KIF16B: variants seen among roughly 807,000 people sequenced by gnomAD.
KIF16B encodes the protein kinesin-like protein KIF16B.
Under a neutral mutation model 156.3 loss-of-function variants are expected in KIF16B, and 98 were observed. The observed-to-expected ratio is 0.63, with a 90% CI of 0.53 to 0.74. The LOEUF (loss-of-function observed/expected upper bound fraction) is 0.74. Ranked by LOEUF, KIF16B falls within the 30% of genes least tolerant of loss-of-function variation. The pLI, the probability that KIF16B is intolerant of heterozygous loss-of-function variation, is 0.00. For missense variants in KIF16B, 1,421 were observed against 1,606.5 expected, an observed-to-expected ratio of 0.88 and a Z score of 1.97; for synonymous variants, 564 against 583.7, an observed-to-expected ratio of 0.97 and a Z score of 0.49.
At position 16,546,807 on chromosome 20, in the gene KIF16B, C is replaced by T. The variant is rs182894360; in HGVS notation, c.48-18367G>A. On this transcript the variant is annotated intron_variant, in intron 1 of 25. Transcript: ENST00000354981. ...TATTTATTTACTTCAGATGGAGTCT[C>T]ACTCTGTTGCCCAGGCTGGAGTGCA... Among the ~76,000 whole-genome samples, 706 of 152,196 alleles carry T rather than the reference C, an allele frequency of 4.6e-3. 3 individuals are homozygous for T. Among genetic ancestry groups the T allele is most frequent in the African/African-American group, 0.015 (622 of 41,524 alleles).
At position 16,515,533 on chromosome 20, in the gene KIF16B, G is replaced by C; in HGVS notation, c.348+15C>G. The C allele has an allele frequency of 2.2e-6, 3 of 1,337,316 alleles. No individual in the cohort carries two copies. The highest frequency in any genetic ancestry group is 3.2e-6 in the Non-Finnish European group (3 of 928,076). 82.8% of individuals were successfully genotyped at this position (1,337,316 alleles called of 1,614,324 possible). On this transcript the variant is annotated intron_variant, in intron 4 of 25. Transcript: ENST00000354981. ...TAATGAGAAATTTCCTTCCCACACA[G>C]TATAAACAACGTACAGAATTTCCCA...
At chr20:16,471,771 A>C (rs953322261) in intron 12 of KIF16B, among the ~76,000 whole-genome samples, 6 of 152,358 alleles carry the variant, frequency 3.9e-5, no homozygotes, top group African/African-American at 1.4e-4. Flanking sequence ...ACACGTACTG[A>C]ATTCACTGTG....
chr20:16,332,821 CATA>C (rs150555173), intron 24 of KIF16B, among the ~76,000 whole-genome samples: 10,412 of 152,212 alleles, frequency 0.068, 366 homozygotes, highest in African/African-American at 0.082. Flanking sequence ...AGAGAAGGTT[CATA>C]ATATCTTTCT....
chr20:16,342,408 A>C (rs1342006497), intron 23 of KIF16B, among the ~76,000 whole-genome samples: 1 of 152,116 alleles, frequency 6.6e-6, no homozygotes, highest in African/African-American at 2.4e-5. Flanking sequence ...GTTTTCTGAG[A>C]GACATACTTG....
chr20:16,342,633 C>T (rs17659571), intron 23 of KIF16B, among the ~76,000 whole-genome samples: 10,428 of 152,144 alleles, frequency 0.069, 373 homozygotes, highest in African/African-American at 0.082. Context: ...ATTTGTAACA[C>T]GAGTTCATAG....
chr20:16,371,110 T>A (rs1169241309), intron 21 of KIF16B, among the ~76,000 whole-genome samples: 3 of 152,226 alleles, frequency 2.0e-5, no homozygotes, highest in African/African-American at 7.2e-5. Flanking sequence ...AAAGTTGTCA[T>A]AATTACAAAA....
At chr20:16,454,406 A>G (rs888970200) in intron 12 of KIF16B, among the ~76,000 whole-genome samples, 7 of 149,916 alleles carry the variant, frequency 4.7e-5, no homozygotes, top group Admixed American at 6.7e-5. Flanking sequence ...GTATATATGG[A>G]TATATGTTAA....
chr20:16,573,388 C>T lies in KIF16B; in HGVS notation c.-113G>A. Reference sequence around the variant, plus strand: ...CGCCCACTTCCCTCTCGCCCCCGCCCCTCTGCTCCCGGCCGGACCTGGAGT... The same window carrying T: ...CGCCCACTTCCCTCTCGCCCCCGCCTCTCTGCTCCCGGCCGGACCTGGAGT... On this transcript the variant is annotated 5_prime_UTR_variant, in exon 1 of 26. Coordinates refer to ENST00000354981, the MANE Select transcript of KIF16B (RefSeq NM_024704.5). 1 of 1,187,098 alleles carries T rather than the reference C, an allele frequency of 8.4e-7. No individual in the cohort carries two copies. Among genetic ancestry groups the T allele is most frequent in the Non-Finnish European group, 1.2e-6 (1 of 836,012 alleles). 73.5% of individuals were successfully genotyped at this position (1,187,098 alleles called of 1,614,324 possible).
intron 12 of KIF16B, among the ~76,000 whole-genome samples, chr20:16,435,460 C>A (rs2066617665): frequency 6.6e-6 from 1 of 152,180 alleles, no homozygotes; most frequent in Admixed American, 6.5e-5. Context: ...TCTTCTTTAT[C>A]TTGAAATTCA....
chr20:16,484,359 T>G (rs2068059951), intron 12 of KIF16B, among the ~76,000 whole-genome samples: 1 of 152,208 alleles, frequency 6.6e-6, no homozygotes, highest in South Asian at 2.1e-4. Flanking sequence ...CCAAGTGCAA[T>G]AGCACTGACA....
chr20:16,431,933 C>CACAT (rs1555883245), intron 12 of KIF16B, among the ~76,000 whole-genome samples: 1 of 151,238 alleles, frequency 6.6e-6, no homozygotes, highest in Non-Finnish European at 1.5e-5. Context: ...CACACACACA[C>CACAT]ACACACGCAC....
chr20:16,369,365 A>T (rs2064760306), intron 22 of KIF16B: 2 of 854,972 alleles, frequency 2.3e-6, no homozygotes, highest in South Asian at 1.1e-4. Context: ...CATTGGGTAG[A>T]TTAATTCAGA....
At chr20:16,285,371 T>C (rs75521910) in intron 25 of KIF16B, among the ~76,000 whole-genome samples, 2,228 of 152,360 alleles carry the variant, frequency 0.015, 66 homozygotes, top group African/African-American at 0.051. Context: ...TGTTTGTACA[T>C]GCATGTGTAC....
intron 21 of KIF16B, among the ~76,000 whole-genome samples, chr20:16,371,199 TA>T (rs1019276388): frequency 2.6e-5 from 4 of 152,208 alleles, no homozygotes; most frequent in African/African-American, 9.6e-5. Context: ...CAATATTTAA[TA>T]TTTTTTTCTA....
At chr20:16,457,098 T>A (rs1445243285) in intron 12 of KIF16B, among the ~76,000 whole-genome samples, 5 of 144,902 alleles carry the variant, frequency 3.5e-5, no homozygotes, top group Admixed American at 2.8e-4. Flanking sequence ...TCTCAGCAAC[T>A]CTTCTTACTC....
At chr20:16,462,343 C>G (rs1236139317) in intron 12 of KIF16B, among the ~76,000 whole-genome samples, 1 of 152,212 alleles carries the variant, frequency 6.6e-6, no homozygotes, top group Admixed American at 6.5e-5. Context: ...TCTCACAACT[C>G]CTTTTTCACC....
chr20:16,328,540 T>C (rs2063895076), intron 24 of KIF16B, among the ~76,000 whole-genome samples: 1 of 152,198 alleles, frequency 6.6e-6, no homozygotes, highest in Non-Finnish European at 1.5e-5. Context: ...TTCAGAATCA[T>C]TTAGCCAAGA....
intron 4 of KIF16B, among the ~76,000 whole-genome samples, chr20:16,514,405 T>C: frequency 6.6e-6 from 1 of 151,892 alleles, no homozygotes. Flanking sequence ...TGAAATAATT[T>C]ATTCTGGAAA....
intron 12 of KIF16B, among the ~76,000 whole-genome samples, chr20:16,468,503 G>T (rs58855971): frequency 2.4e-3 from 357 of 150,956 alleles, no homozygotes; most frequent in African/African-American, 8.4e-3. Flanking sequence ...TGGAACCCTG[G>T]GGGAGGAGAT....
Sources: gnomAD v4.1 joint callset for allele counts (sites outside exome capture counted in the v4.1 genomes callset) on GRCh38, gnomAD v4.1.1 for gene constraint, MANE v1.5 for transcripts, NCBI Gene and HGNC (gene_info 2026-07-23, HGNC 2026-07-21) for gene names.